Variants in SP4 observed in about 807,000 individuals in gnomAD.
SP4 encodes transcription factor Sp4.
A neutral mutation model predicts 72.8 loss-of-function variants in SP4; 19 were observed. The observed-to-expected ratio is 0.26, with a 90% CI of 0.18 to 0.38. The LOEUF (loss-of-function observed/expected upper bound fraction) is 0.38. Ranked by LOEUF, SP4 falls within the 10% of genes least tolerant of loss-of-function variation. The probability of loss-of-function intolerance (pLI) is 1.00; values close to 1 mark genes in which losing one functional copy is unlikely to be tolerated. For missense variants in SP4, 1,008 were observed against 926.3 expected, an observed-to-expected ratio of 1.09 and a Z score of -1.14; for synonymous variants, 395 against 333.1, an observed-to-expected ratio of 1.19 and a Z score of -2.02.
Position 21,430,446 on chromosome 7 carries a change from C to G in SP4, c.1281C>G (p.Leu427=), listed in dbSNP as rs771599419. ...IQAIPPQSFQ[L]QSGQTIQTIQ... is the part of the protein sequence containing the mutation. ...CTATTCCACCACAGTCGTTTCAACT[C>G]CAGTCAGGGCAGACGATTCAGACCA... The change falls in exon 3 of 6, where the codon CTC becomes CTG. Residue 427 remains leucine (L), a synonymous_variant. Transcript: ENST00000222584. 3.1e-6 allele frequency: 5 copies of G among 1,614,054 alleles called. No homozygotes were observed. Among genetic ancestry groups the G allele is most frequent in the African/African-American group, 1.3e-5 (1 of 74,900 alleles).
chr7:21,473,416 G>T (rs1041065384), intron 3 of SP4, among the ~76,000 whole-genome samples: 4 of 152,202 alleles, frequency 2.6e-5, no homozygotes, highest in African/African-American at 7.2e-5. Context: ...GATTTATTAA[G>T]CATATGCTAT....
intron 3 of SP4, among the ~76,000 whole-genome samples, chr7:21,457,387 T>C (rs1012091864): frequency 6.6e-5 from 10 of 152,200 alleles, no homozygotes; most frequent in Non-Finnish European, 1.2e-4. Flanking sequence ...AATAGTGCTA[T>C]CATCTTCGCT....
intron 3 of SP4, among the ~76,000 whole-genome samples, chr7:21,461,566 C>T (rs1404003868): frequency 6.6e-6 from 1 of 152,194 alleles, no homozygotes; most frequent in Admixed American, 6.5e-5. Context: ...CCACACCCAC[C>T]CGGAACTCTA....
At chr7:21,495,682 A>G (rs1781687417) in intron 5 of SP4, among the ~76,000 whole-genome samples, 1 of 152,166 alleles carries the variant, frequency 6.6e-6, no homozygotes. Flanking sequence ...TGCCTTTGGA[A>G]ACTAGTTTGG....
intron 3 of SP4, among the ~76,000 whole-genome samples, chr7:21,472,784 GAAAAA>G (rs552813017): frequency 1.4e-5 from 2 of 142,294 alleles, no homozygotes; most frequent in Non-Finnish European, 3.0e-5. Context: ...TAAAAAAAAA[GAAAAA>G]AAAAAGCAAC....
At chr7:21,478,112 A>G (rs1315490924) in intron 4 of SP4, among the ~76,000 whole-genome samples, 2 of 152,208 alleles carry the variant, frequency 1.3e-5, no homozygotes, top group African/African-American at 2.4e-5. Flanking sequence ...GACAATTCAT[A>G]TAAATGGAAT....
intron 5 of SP4, among the ~76,000 whole-genome samples, chr7:21,505,421 A>C (rs747535413): frequency 5.3e-5 from 8 of 152,184 alleles, no homozygotes; most frequent in Non-Finnish European, 1.0e-4. Flanking sequence ...TATGTATTGT[A>C]ACAACTGGGT....
chr7:21,471,886 A>G (rs1325139149), intron 3 of SP4, among the ~76,000 whole-genome samples: 1 of 152,236 alleles, frequency 6.6e-6, no homozygotes, highest in African/African-American at 2.4e-5. Flanking sequence ...ATGTGAAACA[A>G]TATATGGAAA....
chr7:21,461,457 T>C (rs535078267), intron 3 of SP4, among the ~76,000 whole-genome samples: 2 of 152,200 alleles, frequency 1.3e-5, no homozygotes, highest in African/African-American at 4.8e-5. Context: ...ACCCGGCGCA[T>C]CCTCCGCAGC....
intron 5 of SP4, among the ~76,000 whole-genome samples, chr7:21,506,467 A>C (rs1468218777): frequency 6.6e-6 from 1 of 152,170 alleles, no homozygotes; most frequent in Non-Finnish European, 1.5e-5. Flanking sequence ...TCATAGTCTT[A>C]GGACCTTTTC....
At chr7:21,466,995 A>G (rs1459712351) in intron 3 of SP4, among the ~76,000 whole-genome samples, 4 of 152,148 alleles carry the variant, frequency 2.6e-5, no homozygotes, top group African/African-American at 9.7e-5. Flanking sequence ...ATGTTTTGTT[A>G]TAGCTGTTTA....
chr7:21,508,201 T>G (rs1350129377), intron 5 of SP4, among the ~76,000 whole-genome samples: 1 of 152,118 alleles, frequency 6.6e-6, no homozygotes, highest in Non-Finnish European at 1.5e-5. Context: ...TCCCACTCCA[T>G]GCAGGCACAG....
intron 3 of SP4, among the ~76,000 whole-genome samples, chr7:21,452,730 ATCTGAGAGAAG>A (rs1783637369): frequency 6.6e-6 from 1 of 152,164 alleles, no homozygotes; most frequent in South Asian, 2.1e-4. Context: ...TTCTGCAGAA[ATCTGAGAGAAG>A]TATGTTCCAA....
chr7:21,436,260 C>G (rs769444917), intron 3 of SP4, among the ~76,000 whole-genome samples: 10 of 152,146 alleles, frequency 6.6e-5, no homozygotes, highest in Non-Finnish European at 1.3e-4. Context: ...ATGAGTAATA[C>G]TTAGGGAATA....
intron 3 of SP4, among the ~76,000 whole-genome samples, chr7:21,458,578 T>TC (rs879893449): frequency 2.4e-4 from 37 of 152,274 alleles, no homozygotes; most frequent in Non-Finnish European, 5.4e-4. Flanking sequence ...TCATCTCTTC[T>TC]CCCTTCACCA....
intron 5 of SP4, among the ~76,000 whole-genome samples, chr7:21,494,849 T>C (rs1477912849): frequency 6.6e-6 from 1 of 152,202 alleles, no homozygotes; most frequent in African/African-American, 2.4e-5. Flanking sequence ...TTGGCTGATT[T>C]ACACTGCATA....
At chr7:21,507,079 T>C (rs1389707014) in intron 5 of SP4, among the ~76,000 whole-genome samples, 1 of 152,200 alleles carries the variant, frequency 6.6e-6, no homozygotes, top group Non-Finnish European at 1.5e-5. Context: ...TTCCTATGAA[T>C]AGGATATTCT....
At chr7:21,438,271 A>G (rs1289777311) in intron 3 of SP4, among the ~76,000 whole-genome samples, 1 of 152,188 alleles carries the variant, frequency 6.6e-6, no homozygotes, top group African/African-American at 2.4e-5. Flanking sequence ...TGAAATTAGA[A>G]TATATATTTT....
At chr7:21,456,353 A>G (rs1413515911) in intron 3 of SP4, among the ~76,000 whole-genome samples, 1 of 152,200 alleles carries the variant, frequency 6.6e-6, no homozygotes, top group Non-Finnish European at 1.5e-5. Context: ...GGTGTATGGT[A>G]AGTCATAAGG....
Sources: allele counts gnomAD v4.1 joint callset (sites outside exome capture counted in the v4.1 genomes callset), GRCh38; gene constraint gnomAD v4.1.1; transcripts MANE v1.5; gene names NCBI Gene and HGNC (gene_info 2026-07-23, HGNC 2026-07-21).